CRY1: variants seen among roughly 807,000 people sequenced by gnomAD.
The protein encoded by CRY1 is cryptochrome-1.
A neutral mutation model predicts 76.0 loss-of-function variants in CRY1; 45 were observed. That is an observed-to-expected ratio of 0.59 (90% CI 0.47 to 0.76). The LOEUF is 0.76. CRY1 is among the 30% of genes least tolerant of loss of function. The pLI is 0.00. For missense variants in CRY1, 587 were observed against 716.4 expected (o/e 0.82, Z 2.06); for synonymous variants, 248 against 244.0 (o/e 1.02, Z -0.15).
chr12:107,063,628 G>A (rs1010131755), intron 1 of CRY1, among the ~76,000 whole-genome samples: 4 of 152,136 alleles, frequency 2.6e-5, no homozygotes, highest in Admixed American at 1.3e-4. Context: ...ACAGAGTCTT[G>A]CTCTTGTTGC....
chr12:107,017,437 G>A (rs891172821), intron 2 of CRY1, among the ~76,000 whole-genome samples: 10 of 152,172 alleles, frequency 6.6e-5, no homozygotes, highest in Admixed American at 3.3e-4. Context: ...GGTTTCACTC[G>A]GATCTGCTCA....
intron 2 of CRY1, among the ~76,000 whole-genome samples, chr12:107,021,291 GA>G (rs906908261): frequency 1.3e-5 from 2 of 150,394 alleles, no homozygotes; most frequent in African/African-American, 2.5e-5. Context: ...CTCAAAAAAA[GA>G]AAAAAAAAAG....
chr12:107,038,386 G>A (rs1952760912), intron 1 of CRY1, among the ~76,000 whole-genome samples: 1 of 152,158 alleles, frequency 6.6e-6, no homozygotes, highest in Non-Finnish European at 1.5e-5. Flanking sequence ...AGGCTGAAGA[G>A]AGAGCAGAAA....
At chr12:106,996,872 C>CA in intron 10 of CRY1, among the ~76,000 whole-genome samples, 1 of 152,146 alleles carries the variant, frequency 6.6e-6, no homozygotes, top group South Asian at 2.1e-4. Flanking sequence ...AACTTATGTG[C>CA]AAAAAGACTA....
chr12:107,052,641 T>C lies in CRY1; in HGVS notation c.159-30449A>G, dbSNP rs374824324. ...AAGTCAAGAAAATACTCACTGATAA[T>C]AGAACATCTGTGCAGAAACCTGAAG... On this transcript the variant is annotated intron_variant, in intron 1 of 12. Coordinates refer to ENST00000008527, the MANE Select transcript of CRY1 (RefSeq NM_004075.5). 8.5e-5 allele frequency among the ~76,000 whole-genome samples: 13 copies of C among 152,294 alleles called. No individual in the cohort carries two copies. In the South Asian group the frequency reaches 2.5e-3, roughly 29 times the overall value.
chr12:107,073,582 A>G (rs1953217139), intron 1 of CRY1, among the ~76,000 whole-genome samples: 1 of 152,018 alleles, frequency 6.6e-6, no homozygotes, highest in South Asian at 2.1e-4. Context: ...CAAAAAAATT[A>G]GCTGGGCATG....
intron 10 of CRY1, among the ~76,000 whole-genome samples, chr12:106,995,276 T>C (rs895501059): frequency 4.6e-5 from 7 of 152,182 alleles, no homozygotes; most frequent in African/African-American, 1.7e-4. Context: ...TGTGAGTGCT[T>C]TTGTCCCCTT....
chr12:107,070,665 T>TA (rs1953177129), intron 1 of CRY1, among the ~76,000 whole-genome samples: 1 of 139,418 alleles, frequency 7.2e-6, no homozygotes, highest in Non-Finnish European at 1.6e-5. Flanking sequence ...GATTCTCTTA[T>TA]TTTTATTTAT....
intron 1 of CRY1, among the ~76,000 whole-genome samples, chr12:107,041,570 TG>T (rs1227638825): frequency 6.6e-6 from 1 of 152,218 alleles, no homozygotes; most frequent in Non-Finnish European, 1.5e-5. Context: ...CTATTCCATG[TG>T]TATTTTTAGA....
At chr12:106,993,874 A>G (rs1371806933) in intron 10 of CRY1, among the ~76,000 whole-genome samples, 1 of 152,162 alleles carries the variant, frequency 6.6e-6, no homozygotes, top group East Asian at 1.9e-4. Flanking sequence ...ACTAAAACAT[A>G]TTGCTACAGT....
At chr12:107,005,341 C>G in intron 2 of CRY1, 93 bp from the exon 3 acceptor site, 1 of 1,324,276 alleles carries the variant, frequency 7.6e-7, no homozygotes, top group Non-Finnish European at 1.0e-6. Context: ...ATCTACATAT[C>G]AAAGGATTAT....
At chr12:106,999,118 T>C (rs377542002) in intron 7 of CRY1, among the ~76,000 whole-genome samples, 13 of 151,798 alleles carry the variant, frequency 8.6e-5, no homozygotes, top group African/African-American at 3.1e-4. Context: ...AAATGTAGTA[T>C]GCTTCTCTTT....
intron 1 of CRY1, among the ~76,000 whole-genome samples, chr12:107,077,987 T>C (rs1042210908): frequency 6.6e-5 from 10 of 152,108 alleles, no homozygotes; most frequent in African/African-American, 9.7e-5. Flanking sequence ...CATACAAACA[T>C]GAAATGAAGA....
intron 1 of CRY1, among the ~76,000 whole-genome samples, chr12:107,037,939 T>C (rs1952755302): frequency 6.6e-6 from 1 of 152,064 alleles, no homozygotes; most frequent in East Asian, 1.9e-4. Flanking sequence ...GAACTCCCAA[T>C]CTCAAGCAAT....
At chr12:107,011,551 T>C (rs1365621930) in intron 2 of CRY1, among the ~76,000 whole-genome samples, 1 of 152,036 alleles carries the variant, frequency 6.6e-6, no homozygotes, top group Non-Finnish European at 1.5e-5. Context: ...GGGGTCTGGA[T>C]AGAAGATCAA....
At chr12:107,025,527 C>T (rs551794605) in intron 1 of CRY1, among the ~76,000 whole-genome samples, 2 of 152,074 alleles carry the variant, frequency 1.3e-5, no homozygotes, top group African/African-American at 2.4e-5. Flanking sequence ...TTAACATATG[C>T]GAAGCTCTTA....
chr12:107,068,242 G>C (rs1487849844), intron 1 of CRY1, among the ~76,000 whole-genome samples: 1 of 152,082 alleles, frequency 6.6e-6, no homozygotes, highest in African/African-American at 2.4e-5. Context: ...CTGATATATA[G>C]GGAAACTATT....
At chr12:107,087,076 G>A (rs897252735) in intron 1 of CRY1, among the ~76,000 whole-genome samples, 1 of 152,248 alleles carries the variant, frequency 6.6e-6, no homozygotes, top group Non-Finnish European at 1.5e-5. Flanking sequence ...AAGTCAGGGA[G>A]TGGAAAGATT....
At chr12:107,028,814 G>A (rs1158740453) in intron 1 of CRY1, among the ~76,000 whole-genome samples, 5 of 152,108 alleles carry the variant, frequency 3.3e-5, no homozygotes, top group Admixed American at 3.3e-4. Flanking sequence ...TGCCTTTGGT[G>A]ATGTGATTTT....
Sources: gnomAD v4.1 joint callset for allele counts (sites outside exome capture counted in the v4.1 genomes callset) on GRCh38, gnomAD v4.1.1 for gene constraint, MANE v1.5 for transcripts, NCBI Gene and HGNC (gene_info 2026-07-23, HGNC 2026-07-21) for gene names.